Variants in SEC31B observed in about 807,000 individuals in gnomAD.
SEC31B encodes SEC31 homolog B, COPII component, also known as protein transport protein Sec31B.
In SEC31B, 113 loss-of-function variants were observed where a neutral mutation model predicts 135.0. The ratio of observed to expected loss-of-function variants is 0.84; its 90% CI spans 0.72 to 0.98. The LOEUF is 0.98. Ranked by LOEUF, SEC31B falls within the 50% of genes least tolerant of loss-of-function variation. SEC31B has a pLI of 0.00. For synonymous variants in SEC31B, 508 were observed against 549.4 expected (o/e 0.92, Z 1.05); for missense variants, 1,296 against 1,421.1 (o/e 0.91, Z 1.42).
chr10:100,491,602 T>C (rs974674338), intron 19 of SEC31B, among the ~76,000 whole-genome samples: 1 of 152,128 alleles, frequency 6.6e-6, no homozygotes, highest in Non-Finnish European at 1.5e-5. Context: ...TAAAAACCAA[T>C]CAATTTAATC....
chr10:100,516,557 G>C (rs1339176023), intron 2 of SEC31B, among the ~76,000 whole-genome samples: 1 of 148,960 alleles, frequency 6.7e-6, no homozygotes, highest in East Asian at 2.0e-4. Flanking sequence ...GCTGAGGCAG[G>C]AGAATGGCAT....
intron 11 of SEC31B, chr10:100,500,073 T>A: frequency 4.4e-6 from 2 of 456,840 alleles, no homozygotes; most frequent in South Asian, 3.1e-5. Flanking sequence ...TTGGCTCTTG[T>A]GGGCAAGAAG....
In SEC31B at chr10:100,490,341, A is replaced by G; in HGVS notation, c.2651-19T>C. The G allele has an allele frequency of 1.9e-6, 3 of 1,602,004 alleles. No homozygotes were observed. Among genetic ancestry groups the G allele is most frequent in the Non-Finnish European group, 2.6e-6 (3 of 1,174,842 alleles). ...GATGAAGCTGAAGCAGAACAGAAAT[A>G]GGTCATTTGTCACTAAACTTCATTT... On this transcript the variant is annotated intron_variant, in intron 20 of 25. Coordinates refer to ENST00000370345, the MANE Select transcript of SEC31B (RefSeq NM_015490.4).
rs2970 is a variant in SEC31B, at chr10:100,486,755, C to G, written c.*861G>C. 5 of 152,086 alleles carry G rather than the reference C, an allele frequency of 3.3e-5. No individual in the cohort carries two copies. The highest frequency in any genetic ancestry group is 2.1e-4 in the South Asian group (1 of 4,830). The allele number at this position is 152,086 out of a possible 1,614,324, so 9.4% of individuals were successfully genotyped here. ...GTAGCCCTGAGACATGTGGTGGCTG[C>G]GAGGGAGAAGGACCCCCAACCCTTG... is the stretch of plus-strand genomic sequence containing the variant. On this transcript the variant is annotated 3_prime_UTR_variant, in exon 26 of 26. Coordinates refer to ENST00000370345, the MANE Select transcript of SEC31B (RefSeq NM_015490.4).
chr10:100,489,232 G>C lies in SEC31B; in HGVS notation c.3171+20C>G, dbSNP rs369678317. 124 of 1,592,264 alleles carry C rather than the reference G, an allele frequency of 7.8e-5. No homozygotes were observed. Among genetic ancestry groups the C allele is most frequent in the Non-Finnish European group, 1.0e-4 (122 of 1,170,926 alleles). On this transcript the variant is annotated intron_variant, in intron 23 of 25. Coordinates refer to ENST00000370345, the MANE Select transcript of SEC31B (RefSeq NM_015490.4). ...GGCTGGAAGGTTTCCCAAGGGAGGG[G>C]AATACATTGTCCTTGTCACCTGCAG...
intron 3 of SEC31B, among the ~76,000 whole-genome samples, chr10:100,510,509 T>C (rs529439218): frequency 3.9e-5 from 6 of 152,228 alleles, no homozygotes; most frequent in Non-Finnish European, 8.8e-5. Context: ...ACGGAAGACA[T>C]GTGAAATCCC....
At position 100,487,453 on chromosome 10, in the gene SEC31B, C is replaced by G; in HGVS notation, c.*163G>C. On this transcript the variant is annotated 3_prime_UTR_variant, in exon 26 of 26. Transcript: ENST00000370345. ...AGGCCAGACATAAAGGAGTAAAAAG[C>G]AGGCACTCAGCTGGTTTGGAGCCAA... The G allele has an allele frequency of 1.5e-6, 1 of 659,148 alleles. No individual in the cohort carries two copies. 40.8% of individuals were successfully genotyped at this position (659,148 alleles called of 1,614,324 possible).
Position 100,490,041 on chromosome 10 carries a change from G to A in SEC31B, c.2932C>T (p.Leu978Phe). The A allele has an allele frequency of 6.4e-7, 1 of 1,553,732 alleles. No individual in the cohort carries two copies. Among genetic ancestry groups the A allele is most frequent in the South Asian group, 1.3e-5 (1 of 79,116 alleles). Residue 978 changes from leucine (L) to phenylalanine (F), a missense_variant, in exon 21 of 26, where the codon CTC (leucine) becomes TTC (phenylalanine). Physicochemically the swap from Leu to Phe is conservative, Grantham distance 22 (BLOSUM62 0). Coordinates refer to ENST00000370345, the MANE Select transcript of SEC31B (RefSeq NM_015490.4). The stretch of plus-strand genomic sequence containing the variant: ...GGAGTCAAGATGCCAGTGGTTGGGA[G>A]GACACTAGAGCATGGGGCACCTGGG... ...GDPGAPCSSV[L>F]PTTGILTPHP...
chr10:100,510,758 CCAGG>C (rs1460963230), intron 3 of SEC31B, among the ~76,000 whole-genome samples: 1 of 152,228 alleles, frequency 6.6e-6, no homozygotes, highest in Non-Finnish European at 1.5e-5. Context: ...CCAGCTCAGA[CCAGG>C]TCAGCATCTG....
In SEC31B at chr10:100,498,129, C is replaced by T. The variant is rs369789376; in HGVS notation, c.1763G>A (p.Arg588His). 143 of 1,614,168 alleles carry T rather than the reference C, an allele frequency of 8.9e-5. No homozygotes were observed. The highest frequency in any genetic ancestry group is 5.8e-5 in the Non-Finnish European group (68 of 1,180,032). Reference sequence around the variant, plus strand: ...GGCCAGGATAATGGCATCAGCAAAGCGCTCCTCCTTCAGACACAGCTCCAC... The same window carrying T: ...GGCCAGGATAATGGCATCAGCAAAGTGCTCCTCCTTCAGACACAGCTCCAC... Reference protein sequence around the residue: ...PAVELCLKEERFADAIILAQA... With the variant: ...PAVELCLKEEHFADAIILAQA... Residue 588 changes from arginine (R) to histidine (H), a missense_variant, in exon 15 of 26, where the codon CGC becomes CAC. Transcript: ENST00000370345.
intron 13 of SEC31B, 123 bp downstream of exon 13, chr10:100,499,037 T>C (rs1160029095): frequency 5.0e-6 from 4 of 803,490 alleles, no homozygotes; most frequent in East Asian, 5.3e-5. Flanking sequence ...GTGAGGAGTC[T>C]GAAGACTTCT....
At chr10:100,495,190 C>A in intron 19 of SEC31B, 195 bp downstream of exon 19, 1 of 601,316 alleles carries the variant, frequency 1.7e-6, no homozygotes. Context: ...GGGCAAGTAT[C>A]ACAATTTTTG....
chr10:100,498,476 C>G (rs959079155), intron 14 of SEC31B: 2 of 601,566 alleles, frequency 3.3e-6, no homozygotes, highest in Non-Finnish European at 5.9e-6. Flanking sequence ...GTCCTTTCAG[C>G]AAGAAGGATA....
At chr10:100,497,537 G>C in intron 16 of SEC31B, 130 bp downstream of exon 16, 1 of 1,550,604 alleles carries the variant, frequency 6.4e-7, no homozygotes, top group Non-Finnish European at 8.7e-7. Context: ...GGCTGAGCCA[G>C]ATTCTAGCCC....
At chr10:100,516,591 G>C (rs990151848) in intron 2 of SEC31B, among the ~76,000 whole-genome samples, 2 of 145,186 alleles carry the variant, frequency 1.4e-5, no homozygotes, top group African/African-American at 5.1e-5. Context: ...GGAGCTTGCA[G>C]TGAGCCAAGA....
chr10:100,507,842 G>A (rs1193972181), intron 6 of SEC31B, 66 bp downstream of exon 6: 1 of 1,603,326 alleles, frequency 6.2e-7, no homozygotes. Flanking sequence ...GGGCAGAGCA[G>A]CTCTAACTGC....
chr10:100,496,621 G>A (rs957783747), intron 17 of SEC31B, among the ~76,000 whole-genome samples, 190 bp from the exon 18 acceptor site: 12 of 152,222 alleles, frequency 7.9e-5, no homozygotes, highest in African/African-American at 2.9e-4. Context: ...CACCTCCCAA[G>A]CTGTTAGGAT....
At chr10:100,508,604 C>A (rs998396953) in intron 5 of SEC31B, 1 of 432,340 alleles carries the variant, frequency 2.3e-6, no homozygotes, top group South Asian at 1.7e-5. Context: ...GAGAACAAAG[C>A]TGACCCCCCC....
At chr10:100,489,198 C>G in intron 23 of SEC31B, 54 bp downstream of exon 23, 5 of 1,547,676 alleles carry the variant, frequency 3.2e-6, no homozygotes, top group Non-Finnish European at 3.5e-6. Flanking sequence ...ATGACCTGCA[C>G]CCAAGGAGGG....
Sources: gnomAD v4.1 joint callset for allele counts (sites outside exome capture counted in the v4.1 genomes callset) on GRCh38, gnomAD v4.1.1 for gene constraint, MANE v1.5 for transcripts, NCBI Gene and HGNC (gene_info 2026-07-23, HGNC 2026-07-21) for gene names.